Variants in MYO6 observed in about 807,000 individuals in gnomAD.
MYO6 encodes the protein unconventional myosin-VI.
Under a neutral mutation model 178.7 loss-of-function variants are expected in MYO6, and 74 were observed. The observed-to-expected ratio is 0.41, with a 90% CI of 0.34 to 0.50. The LOEUF (loss-of-function observed/expected upper bound fraction) is 0.50, where lower values mean the gene tolerates loss of function less well. Among genes scored for constraint, MYO6 ranks in the 20% least tolerant of loss-of-function variants. MYO6 has a pLI of 0.09. For missense variants in MYO6, 1,330 were observed against 1,547.4 expected, an observed-to-expected ratio of 0.86 and a Z score of 2.36; for synonymous variants, 477 against 504.6, an observed-to-expected ratio of 0.95 and a Z score of 0.73.
chr6:75,856,961 A>G, intron 12 of MYO6, 136 bp from the exon 13 acceptor site: 1 of 739,446 alleles, frequency 1.4e-6, no homozygotes, highest in Non-Finnish European at 2.2e-6. Context: ...AGCCCCATTT[A>G]TCTGTGCCTA....
At position 75,886,880 on chromosome 6, in the gene MYO6, A is replaced by G. The variant is rs1390008741; in HGVS notation, c.2544A>G (p.Lys848=). The G allele has an allele frequency of 2.5e-6, 4 of 1,613,850 alleles. No individual in the cohort carries two copies. In the African/African-American group the frequency reaches 5.3e-5, roughly 22 times the overall value. Residue 848 remains lysine (K), a synonymous_variant, in exon 25 of 35, where the codon AAA becomes AAG. Coordinates refer to ENST00000369977, the MANE Select transcript of MYO6 (RefSeq NM_004999.4). ...TGGTTAAGGTGGGCACACTGAAAAAACGACTTGATAAATTTAATGAGGTAG... is the reference window on the plus strand; with the variant it reads ...TGGTTAAGGTGGGCACACTGAAAAAGCGACTTGATAAATTTAATGAGGTAG... The part of the protein sequence containing the change: ...DGLVKVGTLK[K]RLDKFNEVVS...
At chr6:75,828,831 G>A (rs946080467) in intron 4 of MYO6, among the ~76,000 whole-genome samples, 3 of 152,108 alleles carry the variant, frequency 2.0e-5, no homozygotes, top group Non-Finnish European at 4.4e-5. Flanking sequence ...CACTTAATCA[G>A]TATTTGTGGG....
At chr6:75,884,629 C>G (rs1338465168) in intron 23 of MYO6, among the ~76,000 whole-genome samples, 2 of 152,142 alleles carry the variant, frequency 1.3e-5, no homozygotes, top group African/African-American at 4.8e-5. Context: ...TCAAATCAGT[C>G]TCTCTGAAAA....
chr6:75,832,912 AG>A lies in MYO6; in HGVS notation c.463del (p.Ala155ProfsTer11). The A allele has an allele frequency of 6.2e-7, 1 of 1,614,050 alleles. No homozygotes were observed. The highest frequency in any genetic ancestry group is 8.5e-7 in the Non-Finnish European group (1 of 1,179,890). On this transcript the variant is annotated frameshift_variant, in exon 6 of 35. Coordinates refer to ENST00000369977, the MANE Select transcript of MYO6 (RefSeq NM_004999.4). LOFTEE classifies it high-confidence loss of function. ...CTATCATTGTATCTGGAGAATCAGG[AG>A]CCGGCAAAACAGAAAATACAAAATT... Reference protein sequence around the residue: ...QSIIVSGESGAGKTENTKFVL... With the variant: ...QSIIVSGESGXGKTENTKFVL...
chr6:75,878,914 C>T (rs1777778269), intron 20 of MYO6, among the ~76,000 whole-genome samples: 2 of 152,182 alleles, frequency 1.3e-5, no homozygotes, highest in South Asian at 2.1e-4. Context: ...TGACTCAAGA[C>T]TCAGATTAAC....
chr6:75,789,366 C>T (rs1183143191), intron 1 of MYO6, among the ~76,000 whole-genome samples: 1 of 152,186 alleles, frequency 6.6e-6, no homozygotes, highest in African/African-American at 2.4e-5. Context: ...ATCCTCATAA[C>T]AGGTTTCATG....
chr6:75,916,972 T>C lies in MYO6; in HGVS notation c.*1960T>C, dbSNP rs1242140178. 1 of 152,220 alleles carries C rather than the reference T, an allele frequency of 6.6e-6. No homozygotes were observed. The highest frequency in any genetic ancestry group is 1.5e-5 in the Non-Finnish European group (1 of 68,034). 9.4% of individuals were successfully genotyped at this position (152,220 alleles called of 1,614,324 possible). A position where few individuals can be genotyped will look rare whatever the true frequency, so the allele number is the denominator to read the frequency against. On this transcript the variant is annotated 3_prime_UTR_variant, in exon 35 of 35. Transcript: ENST00000369977. ...TCATGTCACACAGCTGTCCTAGAAC[T>C]TATCTATTTAAAATAGTTTCCTGAG...
At chr6:75,862,003 A>G (rs1227401486) in intron 15 of MYO6, among the ~76,000 whole-genome samples, 5 of 152,138 alleles carry the variant, frequency 3.3e-5, no homozygotes, top group African/African-American at 1.2e-4. Flanking sequence ...TAATTACCCA[A>G]GAAGCATCAT....
At chr6:75,905,173 C>G (rs887557403) in intron 30 of MYO6, among the ~76,000 whole-genome samples, 1 of 151,590 alleles carries the variant, frequency 6.6e-6, no homozygotes, top group African/African-American at 2.4e-5. Context: ...TTACTGCTGT[C>G]TTTTTGTTTG....
At chr6:75,800,143 A>G (rs139927943) in intron 1 of MYO6, among the ~76,000 whole-genome samples, 2 of 152,242 alleles carry the variant, frequency 1.3e-5, no homozygotes, top group African/African-American at 4.8e-5. Context: ...ATTTCACTTC[A>G]TGGTTCAACC....
In MYO6 at chr6:75,866,556, A is replaced by C; in HGVS notation, c.1705A>C (p.Arg569=). Residue 569 remains arginine (R), a synonymous_variant, in exon 17 of 35, where the codon AGG becomes CGG. Transcript: ENST00000369977. ...CAGAAAATCTAAGCTGGCAGTTCAT[A>C]GGAATATCAGAGACGACGAAGGCTT... ...IPRKSKLAVH[R]NIRDDEGFII... is the part of the protein sequence containing the mutation. 6.2e-7 allele frequency: 1 copy of C among 1,614,044 alleles called. No homozygotes were observed. The highest frequency in any genetic ancestry group is 1.3e-5 in the African/African-American group (1 of 75,056).
chr6:75,890,238 G>C lies in MYO6; in HGVS notation c.2840G>C (p.Arg947Pro). The stretch of plus-strand genomic sequence containing the variant: ...AGACGTGAAGAAGACGAAAAACGTC[G>C]AAGAAAGGAAGAGGAGGAAAGGCGG... Reference protein sequence around the residue: ...RKRREEDEKRRRKEEEERRMK... With the variant: ...RKRREEDEKRPRKEEEERRMK... Residue 947 changes from arginine (R) to proline (P), a missense_variant, in exon 26 of 35, where the codon CGA becomes CCA. By Grantham distance (103) the Arg-to-Pro change is moderately radical. Transcript: ENST00000369977. 6.2e-7 allele frequency: 1 copy of C among 1,613,124 alleles called. No individual in the cohort carries two copies. Among genetic ancestry groups the C allele is most frequent in the Non-Finnish European group, 8.5e-7 (1 of 1,179,142 alleles).
chr6:75,848,641 A>C (rs9350601), intron 11 of MYO6, 110 bp downstream of exon 11: 1 of 1,020,672 alleles, frequency 9.8e-7, no homozygotes, highest in Non-Finnish European at 1.4e-6. Context: ...ACTTTAAGAA[A>C]TATCTAAAAT....
Position 75,886,013 on chromosome 6 carries a change from AAAT to A in MYO6, c.2429_2431del (p.Ile810del). 6.2e-7 allele frequency: 1 copy of A among 1,601,634 alleles called. No individual in the cohort carries two copies. The highest frequency in any genetic ancestry group is 8.5e-7 in the Non-Finnish European group (1 of 1,169,666). ...TTACTCTTACACATAGTGAAAAACA[AAAT>A]AAAATATCGAGCTGAAGCCTGCATT... On this transcript the variant is annotated inframe_deletion, in exon 24 of 35. Coordinates refer to ENST00000369977, the MANE Select transcript of MYO6 (RefSeq NM_004999.4).
chr6:75,919,411 G>T lies in MYO6; in HGVS notation c.*4399G>T, dbSNP rs1440345077. 6.7e-6 allele frequency: 1 copy of T among 149,014 alleles called. No individual in the cohort carries two copies. The highest frequency in any genetic ancestry group is 1.5e-5 in the Non-Finnish European group (1 of 66,964). 9.2% of individuals were successfully genotyped at this position (149,014 alleles called of 1,614,324 possible). ...AGTTGGGTGTTTTCTTTTTACTTATGAAAATTCATCTAGTCAAACTGTCAA... is the reference window on the plus strand; with the variant it reads ...AGTTGGGTGTTTTCTTTTTACTTATTAAAATTCATCTAGTCAAACTGTCAA... On this transcript the variant is annotated 3_prime_UTR_variant, in exon 35 of 35. Coordinates refer to ENST00000369977, the MANE Select transcript of MYO6 (RefSeq NM_004999.4).
intron 3 of MYO6, among the ~76,000 whole-genome samples, chr6:75,827,142 A>T (rs570284031): frequency 6.6e-6 from 1 of 152,360 alleles, no homozygotes; most frequent in South Asian, 2.1e-4. Flanking sequence ...GATCTGATTT[A>T]GTAGACAAAA....
chr6:75,852,171 A>G (rs892844883), intron 11 of MYO6, among the ~76,000 whole-genome samples: 5 of 152,024 alleles, frequency 3.3e-5, no homozygotes, highest in Admixed American at 6.6e-5. Context: ...TTTGCGATAT[A>G]GTAAAAAAGA....
intron 1 of MYO6, among the ~76,000 whole-genome samples, chr6:75,751,606 T>C (rs1488641817): frequency 1.3e-5 from 2 of 152,216 alleles, no homozygotes; most frequent in African/African-American, 4.8e-5. Context: ...TATGTTTACG[T>C]GGTCAAGTTT....
chr6:75,761,538 A>T (rs1168511430), intron 1 of MYO6, among the ~76,000 whole-genome samples: 6 of 152,008 alleles, frequency 3.9e-5, no homozygotes, highest in South Asian at 4.2e-4. Context: ...AAAAATGGAG[A>T]TAGCCTGGTG....
Sources: allele counts gnomAD v4.1 joint callset (sites outside exome capture counted in the v4.1 genomes callset), GRCh38; gene constraint gnomAD v4.1.1; transcripts MANE v1.5; gene names NCBI Gene and HGNC (gene_info 2026-07-23, HGNC 2026-07-21).